Variants in TTLL10 observed in about 807,000 individuals in gnomAD.
The protein encoded by TTLL10 is tubulin tyrosine ligase like 10.
TTLL10 carries 61 observed loss-of-function variants against 69.0 expected under a neutral mutation model. The ratio of observed to expected loss-of-function variants is 0.88; its 90% CI spans 0.72 to 1.09. TTLL10 has a LOEUF of 1.09. Among genes scored for constraint, TTLL10 ranks in the 50% least tolerant of loss-of-function variants. The pLI is 0.00. For missense variants in TTLL10, 962 were observed against 945.9 expected (o/e 1.02, Z -0.22); for synonymous variants, 408 against 393.3 (o/e 1.04, Z -0.44).
At position 1,197,060 on chromosome 1, in the gene TTLL10, G is replaced by A. The variant is rs779206963; in HGVS notation, c.1519-33G>A. 5.2e-6 allele frequency: 8 copies of A among 1,548,056 alleles called. No individual in the cohort carries two copies. The South Asian group carries it at 8.3e-5, about 16-fold the overall frequency. ...GCCTCCTGCTGGCCCAGTGGGCTCG[G>A]GGTGAGGAGGGACTGACTGGCGTCT... On this transcript the variant is annotated intron_variant, in intron 14 of 15. Transcript: ENST00000379289.
At chr1:1,195,917 C>T (rs1411810910) in intron 13 of TTLL10, among the ~76,000 whole-genome samples, 2 of 151,700 alleles carry the variant, frequency 1.3e-5, no homozygotes, top group South Asian at 2.1e-4. Flanking sequence ...GCTGGGACTA[C>T]AGGTGTGAGC....
chr1:1,193,924 G>C (rs1648019549), intron 13 of TTLL10, among the ~76,000 whole-genome samples: 2 of 152,160 alleles, frequency 1.3e-5, no homozygotes, highest in African/African-American at 4.8e-5. Flanking sequence ...TTGGGAGGCT[G>C]AGGCAAGAAG....
chr1:1,193,494 G>A (rs1302558464), intron 13 of TTLL10, among the ~76,000 whole-genome samples: 3 of 149,454 alleles, frequency 2.0e-5, no homozygotes, highest in Non-Finnish European at 3.0e-5. Flanking sequence ...ACGGAGTTTC[G>A]CTCTTGTTGC....
At chr1:1,179,618 C>T (rs751644549) in intron 4 of TTLL10, 39 bp from the exon 5 acceptor site, 1 of 1,550,482 alleles carries the variant, frequency 6.4e-7, no homozygotes. Flanking sequence ...TTGGGTCACC[C>T]ATGACATCAT....
rs1339416911 is a variant in TTLL10, at chr1:1,197,089, G to T, written c.1519-4G>T. 6.4e-7 allele frequency: 1 copy of T among 1,551,060 alleles called. No individual in the cohort carries two copies. The highest frequency in any genetic ancestry group is 8.7e-7 in the Non-Finnish European group (1 of 1,146,778). Reference sequence around the variant, plus strand: ...GAGGAGGGACTGACTGGCGTCTGGGGCAGGTATGGCTGCTGGAGATGAATT... The same window carrying T: ...GAGGAGGGACTGACTGGCGTCTGGGTCAGGTATGGCTGCTGGAGATGAATT... On this transcript the variant is annotated splice_polypyrimidine_tract_variant and splice_region_variant and intron_variant, in intron 14 of 15. Coordinates refer to ENST00000379289, the MANE Select transcript of TTLL10 (RefSeq NM_001130045.2).
intron 5 of TTLL10, 144 bp downstream of exon 5, chr1:1,179,881 G>A (rs1293368747): frequency 6.3e-6 from 9 of 1,438,804 alleles, no homozygotes; most frequent in African/African-American, 4.3e-5. Context: ...CGCCTGGTGG[G>A]GCCAGAGCTC....
Position 1,185,352 on chromosome 1 carries a change from C to A in TTLL10, c.1401+243C>A, listed in dbSNP as rs1164477022. The A allele has an allele frequency of 7.4e-7, 1 of 1,356,412 alleles. No individual in the cohort carries two copies. Among genetic ancestry groups the A allele is most frequent in the Admixed American group, 3.4e-5 (1 of 29,242 alleles). 84.0% of individuals were successfully genotyped at this position (1,356,412 alleles called of 1,614,324 possible). On this transcript the variant is annotated intron_variant, in intron 13 of 15. Transcript: ENST00000379289. The surrounding 1 kb of genome is among the most constrained non-coding windows in gnomAD (Gnocchi z 6.1). The stretch of plus-strand genomic sequence containing the variant: ...GTCGGGGGTCTGTCGGCACGAGTCC[C>A]GCGGGCAGCCTCGCCGTAGGGTCAG...
chr1:1,184,607 C>T (rs1024717325), intron 12 of TTLL10, among the ~76,000 whole-genome samples: 3 of 151,938 alleles, frequency 2.0e-5, no homozygotes, highest in Middle Eastern at 3.2e-3. Context: ...AGGGTGGGGC[C>T]GGGGGAGCAA....
chr1:1,191,132 A>G (rs928783949), intron 13 of TTLL10, among the ~76,000 whole-genome samples: 2 of 152,236 alleles, frequency 1.3e-5, no homozygotes, highest in African/African-American at 4.8e-5. Context: ...AAAGTATTTT[A>G]AATTTCCTTT....
intron 9 of TTLL10, 59 bp from the exon 10 acceptor site, chr1:1,182,302 G>A (rs1195360549): frequency 2.2e-5 from 33 of 1,516,530 alleles, no homozygotes; most frequent in Middle Eastern, 1.7e-4. Flanking sequence ...GCCTCAAACC[G>A]CCCACCCAGC....
At position 1,185,532 on chromosome 1, in the gene TTLL10, G is replaced by T; in HGVS notation, c.1401+423G>T. On this transcript the variant is annotated intron_variant, in intron 13 of 15. Coordinates refer to ENST00000379289, the MANE Select transcript of TTLL10 (RefSeq NM_001130045.2). This position sits in a 1 kb window ranked among gnomAD's most constrained non-coding sequence, Gnocchi z 6.1. ...AGGCCCGGACTCTCCCTAGCTAAGG[G>T]CCATGTGCGGTGGAGTGTCCTAATT... 1 of 1,019,854 alleles carries T rather than the reference G, an allele frequency of 9.8e-7. No individual in the cohort carries two copies. Among genetic ancestry groups the T allele is most frequent in the Non-Finnish European group, 1.2e-6 (1 of 853,232 alleles). The allele number at this position is 1,019,854 out of a possible 1,614,324, so 63.2% of individuals were successfully genotyped here. A position where few individuals can be genotyped will look rare whatever the true frequency, so the allele number is the denominator to read the frequency against.
In TTLL10 at chr1:1,177,116, G is replaced by A. The variant is rs149068540; in HGVS notation, c.-27-2073G>A. 2.2e-3 allele frequency among the ~76,000 whole-genome samples: 339 copies of A among 151,634 alleles called. 1 individual carries two copies. The highest frequency in any genetic ancestry group is 3.8e-3 in the Non-Finnish European group (256 of 67,852). On this transcript the variant is annotated intron_variant, in intron 3 of 15. Coordinates refer to ENST00000379289, the MANE Select transcript of TTLL10 (RefSeq NM_001130045.2). ...TCTGTGTGTACGTGTGTGTGTAGAC[G>A]TGTCTGTGTGTAGGTGTCTGTAGGT...
At chr1:1,177,623 C>G (rs892687766) in intron 3 of TTLL10, among the ~76,000 whole-genome samples, 2 of 152,218 alleles carry the variant, frequency 1.3e-5, no homozygotes, top group African/African-American at 2.4e-5. Context: ...CCTTGTGTCA[C>G]TCTTCTTCAC....
chr1:1,175,390 G>A (rs1432938919), intron 3 of TTLL10: 1 of 310,078 alleles, frequency 3.2e-6, no homozygotes, highest in Non-Finnish European at 6.3e-6. Flanking sequence ...TGCTGCTTCT[G>A]GAGCTTCCAG....
rs539075182 is a variant in TTLL10 at position 1,179,200 on chromosome 1, G to A, written c.-16G>A. On this transcript the variant is annotated 5_prime_UTR_variant, in exon 4 of 16. Coordinates refer to ENST00000379289, the MANE Select transcript of TTLL10 (RefSeq NM_001130045.2). ...CATCTTCCCTTCAGGGCCCTCGCCCGGGCACCCCCCGGCCAATGGACCACA... is the reference window on the plus strand; with the variant it reads ...CATCTTCCCTTCAGGGCCCTCGCCCAGGCACCCCCCGGCCAATGGACCACA... 77 of 1,528,358 alleles carry A rather than the reference G, an allele frequency of 5.0e-5. No homozygotes were observed. Among genetic ancestry groups the A allele is most frequent in the South Asian group, 1.7e-4 (14 of 80,576 alleles). The allele number at this position is 1,528,358 out of a possible 1,614,324, so 94.7% of individuals were successfully genotyped here.
chr1:1,196,383 C>T (rs1327798779), intron 13 of TTLL10: 4 of 555,330 alleles, frequency 7.2e-6, no homozygotes, highest in Non-Finnish European at 1.3e-5. Flanking sequence ...CTCGTATCTC[C>T]AGTGCCTGAC....
chr1:1,192,090 G>A (rs1218605254), intron 13 of TTLL10, among the ~76,000 whole-genome samples: 2 of 152,236 alleles, frequency 1.3e-5, no homozygotes, highest in African/African-American at 4.8e-5. Context: ...AGATTTTGGG[G>A]GGGGGCCTGC....
intron 3 of TTLL10, chr1:1,175,611 G>A (rs60024177): frequency 4.2e-5 from 18 of 430,732 alleles, no homozygotes; most frequent in Middle Eastern, 3.4e-4. Flanking sequence ...TCTGCCTCCC[G>A]TCACCCCCAC....
rs112838421 is a variant in TTLL10, at chr1:1,183,111, A to G, written c.1088+64A>G. Reference sequence around the variant, plus strand: ...TGGCTGACCCGGGCCCCACTGGTGCAGTCAGCAGGGCCGCCGAGGAGCCCT... The same window carrying G: ...TGGCTGACCCGGGCCCCACTGGTGCGGTCAGCAGGGCCGCCGAGGAGCCCT... On this transcript the variant is annotated intron_variant, in intron 11 of 15. Transcript: ENST00000379289. 0.022 allele frequency: 32,732 copies of G among 1,508,306 alleles called. 454 individuals are homozygous for G. Among genetic ancestry groups the G allele is most frequent in the Non-Finnish European group, 0.024 (27,176 of 1,125,392 alleles). The allele number at this position is 1,508,306 out of a possible 1,614,324, so 93.4% of individuals were successfully genotyped here.
Sources: allele counts gnomAD v4.1 joint callset (sites outside exome capture counted in the v4.1 genomes callset), GRCh38; gene constraint gnomAD v4.1.1; non-coding constraint Gnocchi (gnomAD v3.1); transcripts MANE v1.5; gene names NCBI Gene and HGNC (gene_info 2026-07-23, HGNC 2026-07-21).